Variants in WNK2 observed in about 807,000 individuals in gnomAD.
WNK2 encodes serine/threonine-protein kinase WNK2.
Under a neutral mutation model 192.1 loss-of-function variants are expected in WNK2, and 67 were observed. That is an observed-to-expected ratio of 0.35 (90% CI 0.29 to 0.43). WNK2 has a LOEUF of 0.43. Among genes scored for constraint, WNK2 ranks in the 20% least tolerant of loss-of-function variants. The pLI, the probability that WNK2 is intolerant of heterozygous loss-of-function variation, is 1.00. For missense variants in WNK2, 2,698 were observed against 3,089.7 expected (o/e 0.87, Z 3.01); for synonymous variants, 1,439 against 1,393.9 (o/e 1.03, Z -0.72).
At chr9:93,237,857 C>CT (rs35498888) in intron 5 of WNK2, among the ~76,000 whole-genome samples, 353 of 144,150 alleles carry the variant, frequency 2.4e-3, no homozygotes, top group Non-Finnish European at 3.2e-3. Context: ...ACTTGGGGCT[C>CT]TTTTTTTTTT....
intron 2 of WNK2, among the ~76,000 whole-genome samples, chr9:93,206,469 G>A (rs926628861): frequency 6.6e-6 from 1 of 152,188 alleles, no homozygotes; most frequent in Admixed American, 6.5e-5. Flanking sequence ...TGAGAAGCAC[G>A]TGGCTTGCCC....
intron 28 of WNK2, among the ~76,000 whole-genome samples, chr9:93,314,221 G>A (rs1403560257): frequency 2.0e-5 from 3 of 152,310 alleles, no homozygotes; most frequent in East Asian, 3.9e-4. Flanking sequence ...GGCAGAGGTT[G>A]CAGTGAGCCG....
intron 2 of WNK2, among the ~76,000 whole-genome samples, chr9:93,199,899 C>CAAAAAAAAAAAA (rs59582411): frequency 4.9e-4 from 53 of 107,742 alleles, no homozygotes; most frequent in East Asian, 2.1e-3. Flanking sequence ...CTCTTTGTCT[C>CAAAAAAAAAAAA]AAAAAAAAAA....
chr9:93,189,691 G>A (rs1388552212), intron 2 of WNK2, among the ~76,000 whole-genome samples: 8 of 152,218 alleles, frequency 5.3e-5, no homozygotes, highest in African/African-American at 1.9e-4. Context: ...TGGCAGCCCC[G>A]CCAGTGCCAG....
intron 2 of WNK2, among the ~76,000 whole-genome samples, chr9:93,217,914 C>T (rs377617485): frequency 4.0e-5 from 6 of 151,494 alleles, no homozygotes; most frequent in East Asian, 1.9e-4. Flanking sequence ...TCATTCTGGG[C>T]GTAGGCGTAG....
In WNK2 at chr9:93,306,790, G is replaced by C. The variant is rs759317534; in HGVS notation, c.6228G>C (p.Lys2076Asn). ...PVSVSIWSAL[K>N]RLCLGKEHSS... Reference sequence around the variant, plus strand: ...TTTCCCTTGCAGGGTCTGCCCTGAAGCGTCTCTGCCTAGGCAAAGAACACA... The same window carrying C: ...TTTCCCTTGCAGGGTCTGCCCTGAACCGTCTCTGCCTAGGCAAAGAACACA... Residue 2076 changes from lysine to asparagine, a missense_variant, in exon 27 of 30, where the codon AAG becomes AAC. Physicochemically the swap from Lys to Asn is moderately conservative, Grantham distance 94. This residue lies in a region of WNK2 where 29 missense variants were observed against 55.6 expected (regional missense o/e 0.52). Transcript: ENST00000427277. 1 of 1,613,944 alleles carries C rather than the reference G, an allele frequency of 6.2e-7. No individual in the cohort carries two copies. Among genetic ancestry groups the C allele is most frequent in the African/African-American group, 1.3e-5 (1 of 74,960 alleles).
Position 93,185,128 on chromosome 9 carries a change from C to T in WNK2, c.199C>T (p.Pro67Ser), listed in dbSNP as rs1829045558. 1.0e-5 allele frequency: 13 copies of T among 1,303,276 alleles called. No homozygotes were observed. Among genetic ancestry groups the T allele is most frequent in the Non-Finnish European group, 1.3e-5 (13 of 1,020,310 alleles). The allele number at this position is 1,303,276 out of a possible 1,614,324, so 80.7% of individuals were successfully genotyped here. The change falls in exon 2 of 30, where the codon CCC (proline) becomes TCC (serine). Residue 67 changes from proline (P) to serine (S), a missense_variant. Pro to Ser is a moderately conservative substitution (Grantham distance 74, BLOSUM62 -1). Coordinates refer to ENST00000427277, the MANE Select transcript of WNK2 (RefSeq NM_006648.4). ...GGCAGCCGAGGCGCCGGGCCCGCAG[C>T]CCCCGCAGCCCCTGCAGCGCCGGGT... ...LEAAEAPGPQ[P>S]PQPLQRRVLL...
At chr9:93,311,603 G>GTTT (rs1361696375) in intron 28 of WNK2, among the ~76,000 whole-genome samples, 91 of 125,098 alleles carry the variant, frequency 7.3e-4, no homozygotes, top group African/African-American at 2.4e-3. Context: ...TCCTTTCTGG[G>GTTT]TTTTTTTGTT....
chr9:93,208,598 C>T (rs1833827249), intron 2 of WNK2, among the ~76,000 whole-genome samples: 1 of 122,172 alleles, frequency 8.2e-6, no homozygotes, highest in Non-Finnish European at 1.7e-5. Flanking sequence ...TTCATGTATT[C>T]GTGTCCTGTG....
chr9:93,200,510 G>A (rs1292616136), intron 2 of WNK2, among the ~76,000 whole-genome samples: 1 of 152,236 alleles, frequency 6.6e-6, no homozygotes, highest in Non-Finnish European at 1.5e-5. Context: ...TCGGCAATTC[G>A]ACGCCTACCC....
chr9:93,221,770 A>C (rs368744642), intron 2 of WNK2, among the ~76,000 whole-genome samples: 387 of 152,276 alleles, frequency 2.5e-3, no homozygotes, highest in African/African-American at 8.8e-3. Context: ...CAGGGCAGTC[A>C]GTGAGAGGCT....
intron 23 of WNK2, among the ~76,000 whole-genome samples, chr9:93,296,476 C>T (rs1286125288): frequency 2.6e-5 from 1 of 39,068 alleles, no homozygotes; most frequent in Non-Finnish European, 5.1e-5. Flanking sequence ...CTTCTTCATC[C>T]TTCCTTCTCC....
intron 2 of WNK2, among the ~76,000 whole-genome samples, chr9:93,212,798 A>G (rs1835037003): frequency 6.6e-6 from 1 of 152,150 alleles, no homozygotes. Flanking sequence ...TAAAAGAGAG[A>G]GGAAGGTGTG....
chr9:93,201,623 C>G (rs1832371475), intron 2 of WNK2, among the ~76,000 whole-genome samples: 1 of 152,214 alleles, frequency 6.6e-6, no homozygotes, highest in Non-Finnish European at 1.5e-5. Context: ...TCCTGCCCTG[C>G]AGGAGGCCCT....
In WNK2 at chr9:93,256,427, A is replaced by G; in HGVS notation, c.2163A>G (p.Pro721=). The G allele has an allele frequency of 1.3e-6, 2 of 1,534,682 alleles. No homozygotes were observed. The highest frequency in any genetic ancestry group is 1.7e-6 in the Non-Finnish European group (2 of 1,145,896). Residue 721 remains proline (P), a synonymous_variant, in exon 10 of 30, where the codon CCA becomes CCG. Transcript: ENST00000427277. ...CCAGCACCCCCATGCCCACGGGCCC[A>G]GGCCAGCCAGCACCCCCCGGCCAGC... The part of the protein sequence containing the change: ...PPPSTPMPTG[P]GQPAPPGQQP...
chr9:93,288,950 C>A lies in WNK2; in HGVS notation c.4196C>A (p.Ala1399Glu). 1 of 1,604,290 alleles carries A rather than the reference C, an allele frequency of 6.2e-7. No individual in the cohort carries two copies. Among genetic ancestry groups the A allele is most frequent in the Non-Finnish European group, 8.5e-7 (1 of 1,175,688 alleles). ...PPVTALPQDG[A>E]APATSTMPEP... is the part of the protein sequence containing the mutation. ...GTGACTGCTCTGCCCCAAGATGGAG[C>A]AGCTCCAGCCACCAGCACCATGCCA... The change falls in exon 20 of 30, where the codon GCA becomes GAA. Residue 1399 changes from alanine to glutamate, a missense_variant. By Grantham distance (107) the Ala-to-Glu change is moderately radical. Coordinates refer to ENST00000427277, the MANE Select transcript of WNK2 (RefSeq NM_006648.4).
intron 16 of WNK2, among the ~76,000 whole-genome samples, chr9:93,265,156 T>G (rs751959204): frequency 1.3e-5 from 2 of 152,212 alleles, no homozygotes; most frequent in Non-Finnish European, 2.9e-5. Flanking sequence ...GCTACAGTGG[T>G]CGGGAAGACT....
At chr9:93,184,884 G>T (rs1373269779) in intron 1 of WNK2, 44 bp from the exon 2 acceptor site, 3 of 1,216,190 alleles carry the variant, frequency 2.5e-6, no homozygotes, top group East Asian at 3.3e-5. Context: ...GGCAGGTGCG[G>T]CAGGGCCGGC....
At chr9:93,255,291 G>A (rs988431637) in intron 9 of WNK2, among the ~76,000 whole-genome samples, 3 of 152,202 alleles carry the variant, frequency 2.0e-5, no homozygotes, top group African/African-American at 4.8e-5. Flanking sequence ...AGCAGCTGCC[G>A]TGGGGCTGCC....
Sources: gnomAD v4.1 joint callset for allele counts (sites outside exome capture counted in the v4.1 genomes callset) on GRCh38, gnomAD v4.1.1 for gene constraint, gnomAD v4.1.1 regional missense constraint, MANE v1.5 for transcripts, NCBI Gene and HGNC (gene_info 2026-07-23, HGNC 2026-07-21) for gene names.